CUL4A: variants seen among roughly 807,000 people sequenced by gnomAD.
The protein encoded by CUL4A is cullin-4A.
Under a neutral mutation model 95.5 loss-of-function variants are expected in CUL4A, and 16 were observed. The observed-to-expected ratio is 0.17, with a 90% confidence interval of 0.11 to 0.25. CUL4A has a LOEUF of 0.25. CUL4A is among the 10% of genes least tolerant of loss of function. The pLI is 1.00. For missense variants in CUL4A, 610 were observed against 937.0 expected (o/e 0.65, Z 4.56); for synonymous variants, 380 against 353.1 (o/e 1.08, Z -0.85).
At chr13:113,220,396 C>T (rs780178397) in intron 3 of CUL4A, among the ~76,000 whole-genome samples, 4 of 152,220 alleles carry the variant, frequency 2.6e-5, no homozygotes, top group South Asian at 2.1e-4. Flanking sequence ...GATCAGTGAC[C>T]GCACACCACC....
At chr13:113,236,259 G>T (rs138581991) in intron 8 of CUL4A, among the ~76,000 whole-genome samples, 9 of 152,322 alleles carry the variant, frequency 5.9e-5, no homozygotes, top group Non-Finnish European at 1.2e-4. Flanking sequence ...AGGCAGGCCA[G>T]GGTGGCTCGG....
intron 3 of CUL4A, among the ~76,000 whole-genome samples, chr13:113,221,435 C>T (rs1178059248): frequency 6.6e-6 from 1 of 152,236 alleles, no homozygotes; most frequent in Non-Finnish European, 1.5e-5. Context: ...AGGTATGATG[C>T]CAGGCCCTGG....
intron 18 of CUL4A, among the ~76,000 whole-genome samples, chr13:113,260,203 C>CAAAAA (rs71101559): frequency 0.02 from 256 of 12,524 alleles, 80 homozygotes; most frequent in Non-Finnish European, 0.029. Context: ...GACTCCGTCT[C>CAAAAA]AAAAAAAAAA....
chr13:113,229,758 A>G, intron 5 of CUL4A: 2 of 540,236 alleles, frequency 3.7e-6, no homozygotes, highest in East Asian at 3.1e-5. Flanking sequence ...GACTTTGGTC[A>G]TGAGGGTGAA....
chr13:113,253,223 ATTAT>A, intron 16 of CUL4A, 28 bp downstream of exon 16: 1 of 1,242,830 alleles, frequency 8.0e-7, no homozygotes, highest in Non-Finnish European at 1.1e-6. Flanking sequence ...TTTATTTTTT[ATTAT>A]TTGTAAATAT....
chr13:113,245,888 A>G (rs765387303), intron 14 of CUL4A, 68 bp from the exon 15 acceptor site: 1 of 1,140,632 alleles, frequency 8.8e-7, no homozygotes, highest in South Asian at 1.4e-5. Flanking sequence ...TACACGGTTT[A>G]TTTTGTTTTA....
At chr13:113,220,022 C>G (rs546102196) in intron 3 of CUL4A, among the ~76,000 whole-genome samples, 2 of 152,202 alleles carry the variant, frequency 1.3e-5, no homozygotes, top group Non-Finnish European at 2.9e-5. Flanking sequence ...TGTGGCTGTA[C>G]TTTTCTAGGC....
At chr13:113,222,947 C>T (rs1389028169) in intron 3 of CUL4A, among the ~76,000 whole-genome samples, 2 of 152,118 alleles carry the variant, frequency 1.3e-5, no homozygotes, top group East Asian at 3.9e-4. Flanking sequence ...ATGAGGGCTG[C>T]TGTCAGGAAG....
intron 15 of CUL4A, among the ~76,000 whole-genome samples, chr13:113,246,822 G>A (rs1353401298): frequency 2.0e-5 from 3 of 152,150 alleles, no homozygotes; most frequent in Admixed American, 6.5e-5. Flanking sequence ...CTTCAGAAAT[G>A]AAGACCAAAG....
At chr13:113,221,738 C>T (rs571768814) in intron 3 of CUL4A, among the ~76,000 whole-genome samples, 4 of 151,994 alleles carry the variant, frequency 2.6e-5, no homozygotes, top group Non-Finnish European at 4.4e-5. Context: ...CCACCATGCT[C>T]GGCTAATTTT....
chr13:113,234,077 CAT>C, intron 7 of CUL4A, 91 bp downstream of exon 7: 1 of 703,778 alleles, frequency 1.4e-6, no homozygotes, highest in Middle Eastern at 2.5e-4. Context: ...TTTTCACACA[CAT>C]GCAAATGTTT....
intron 3 of CUL4A, 58 bp downstream of exon 3, chr13:113,219,106 A>G (rs1460033294): frequency 3.8e-6 from 4 of 1,057,108 alleles, no homozygotes; most frequent in African/African-American, 1.6e-5. Flanking sequence ...TTAAAACTGA[A>G]CATTATTATG....
intron 18 of CUL4A, 63 bp downstream of exon 18, chr13:113,255,188 G>C: frequency 7.3e-7 from 1 of 1,360,902 alleles, no homozygotes; most frequent in Non-Finnish European, 1.0e-6. Context: ...TGTTTTTGTA[G>C]TAATGTTTTT....
In CUL4A at chr13:113,254,990, C is replaced by T; in HGVS notation, c.1896C>T (p.Ala632=). Residue 632 remains alanine, a synonymous_variant, in exon 18 of 20, where the codon GCC becomes GCT. Transcript: ENST00000375440. ...SELRRTLQSL[A]CGKARVLIKS... Reference sequence around the variant, plus strand: ...TGCGCAGAACGCTGCAGTCCCTGGCCTGTGGCAAAGCACGTGTGCTGATTA... The same window carrying T: ...TGCGCAGAACGCTGCAGTCCCTGGCTTGTGGCAAAGCACGTGTGCTGATTA... 6.2e-7 allele frequency: 1 copy of T among 1,613,952 alleles called. No individual in the cohort carries two copies. The highest frequency in any genetic ancestry group is 8.5e-7 in the Non-Finnish European group (1 of 1,179,928).
intron 18 of CUL4A, 35 bp downstream of exon 18, chr13:113,255,160 GT>G: frequency 6.7e-7 from 1 of 1,492,734 alleles, no homozygotes; most frequent in Non-Finnish European, 9.2e-7. Context: ...CTTATAGGGG[GT>G]TTAGCAGGGA....
chr13:113,233,510 G>C (rs1222596428), intron 6 of CUL4A, among the ~76,000 whole-genome samples, 171 bp downstream of exon 6: 5 of 151,976 alleles, frequency 3.3e-5, no homozygotes, highest in African/African-American at 1.2e-4. Context: ...CACCACACCA[G>C]GTGCCACAAA....
intron 9 of CUL4A, among the ~76,000 whole-genome samples, chr13:113,239,145 TAA>T (rs2041632078): frequency 2.6e-5 from 4 of 152,186 alleles, no homozygotes; most frequent in African/African-American, 9.7e-5. Flanking sequence ...ATAGTTGGTG[TAA>T]ACTGGATTTT....
chr13:113,246,891 A>T (rs983583754), intron 15 of CUL4A, among the ~76,000 whole-genome samples: 4 of 152,238 alleles, frequency 2.6e-5, no homozygotes, highest in Non-Finnish European at 5.9e-5. Flanking sequence ...GCAGCCATGT[A>T]GAAATAGGTG....
At chr13:113,230,493 G>A (rs1346931144) in intron 5 of CUL4A, among the ~76,000 whole-genome samples, 1 of 152,104 alleles carries the variant, frequency 6.6e-6, no homozygotes, top group Non-Finnish European at 1.5e-5. Flanking sequence ...TCTCCTAGTA[G>A]GCATCCATGT....
Sources: gnomAD v4.1 joint callset for allele counts (sites outside exome capture counted in the v4.1 genomes callset) on GRCh38, gnomAD v4.1.1 for gene constraint, MANE v1.5 for transcripts, NCBI Gene and HGNC (gene_info 2026-07-23, HGNC 2026-07-21) for gene names.